KLHL6: variants seen among roughly 807,000 people sequenced by gnomAD.
The protein encoded by KLHL6 is kelch-like protein 6.
A neutral mutation model predicts 58.6 loss-of-function variants in KLHL6; 41 were observed. That is an observed-to-expected ratio of 0.70 (90% confidence interval 0.55 to 0.91). KLHL6 has a LOEUF of 0.91. Ranked by LOEUF, KLHL6 falls within the 40% of genes least tolerant of loss-of-function variation. The pLI, the probability that KLHL6 is intolerant of heterozygous loss-of-function variation, is 0.00. For synonymous variants in KLHL6, 338 were observed against 322.7 expected, an observed-to-expected ratio of 1.05 and a Z score of -0.51; for missense variants, 714 against 805.6, an observed-to-expected ratio of 0.89 and a Z score of 1.38.
At chr3:183,525,397 C>A (rs1219540504) in intron 2 of KLHL6, among the ~76,000 whole-genome samples, 3 of 152,150 alleles carry the variant, frequency 2.0e-5, no homozygotes, top group Non-Finnish European at 4.4e-5. Flanking sequence ...TTATCCAAGG[C>A]ACAAACTATC....
At position 183,528,124 on chromosome 3, in the gene KLHL6, G is replaced by A. The variant is rs997996558; in HGVS notation, c.294-114C>T. 5 of 1,154,576 alleles carry A rather than the reference G, an allele frequency of 4.3e-6. No individual in the cohort carries two copies. In the African/African-American group the frequency reaches 7.7e-5, roughly 18 times the overall value. The allele number at this position is 1,154,576 out of a possible 1,614,324, so 71.5% of individuals were successfully genotyped here. ...CAGAACAGGGGGTTTCCCAAGGTCAGGTCCTGGGCTGGTGGCTCTCTGTTC... is the reference window on the plus strand; with the variant it reads ...CAGAACAGGGGGTTTCCCAAGGTCAAGTCCTGGGCTGGTGGCTCTCTGTTC... On this transcript the variant is annotated intron_variant, in intron 1 of 6. Transcript: ENST00000341319.
intron 3 of KLHL6, among the ~76,000 whole-genome samples, chr3:183,503,766 C>T (rs1717931540): frequency 6.6e-6 from 1 of 152,038 alleles, no homozygotes; most frequent in South Asian, 2.1e-4. Flanking sequence ...GCAACAAGAA[C>T]AAAAGTCTGT....
intron 2 of KLHL6, among the ~76,000 whole-genome samples, chr3:183,514,383 T>C (rs1453124546): frequency 6.6e-6 from 1 of 151,962 alleles, no homozygotes; most frequent in Admixed American, 6.6e-5. Context: ...CCTCACCTCC[T>C]CCAAGCAGTC....
intron 4 of KLHL6, among the ~76,000 whole-genome samples, chr3:183,496,931 A>G (rs1717727332): frequency 6.6e-6 from 1 of 152,222 alleles, no homozygotes; most frequent in Non-Finnish European, 1.5e-5. Context: ...TGAGATCAGG[A>G]GTTCAAGACT....
chr3:183,497,023 A>T (rs1383480530), intron 4 of KLHL6, among the ~76,000 whole-genome samples: 1 of 152,092 alleles, frequency 6.6e-6, no homozygotes, highest in Non-Finnish European at 1.5e-5. Context: ...TCACGCCTGT[A>T]ATCCCAGCAC....
chr3:183,547,138 C>G (rs941115768), intron 1 of KLHL6, among the ~76,000 whole-genome samples: 1 of 152,152 alleles, frequency 6.6e-6, no homozygotes, highest in Non-Finnish European at 1.5e-5. Context: ...GTCTTGAACT[C>G]TTGACCTCAG....
At chr3:183,541,806 G>C (rs929631185) in intron 1 of KLHL6, among the ~76,000 whole-genome samples, 3 of 152,220 alleles carry the variant, frequency 2.0e-5, no homozygotes, top group Non-Finnish European at 4.4e-5. Context: ...TATCTCCAAG[G>C]TGTTCAAGAA....
chr3:183,534,866 C>T (rs1319572342), intron 1 of KLHL6, among the ~76,000 whole-genome samples: 3 of 150,610 alleles, frequency 2.0e-5, no homozygotes, highest in Non-Finnish European at 4.4e-5. Context: ...CTTCAAAGAC[C>T]ATCATATATA....
intron 1 of KLHL6, among the ~76,000 whole-genome samples, chr3:183,552,946 G>A (rs1305171568): frequency 4.6e-5 from 7 of 152,120 alleles, no homozygotes; most frequent in Admixed American, 1.3e-4. Flanking sequence ...AGGACTCCCT[G>A]CCTTGTCAGG....
At chr3:183,553,783 A>AAGGAG (rs200302691) in intron 1 of KLHL6, among the ~76,000 whole-genome samples, 1,995 of 152,290 alleles carry the variant, frequency 0.013, 35 homozygotes, top group African/African-American at 0.045. Context: ...TCATCTGTGA[A>AAGGAG]ATATCAGCCA....
chr3:183,548,911 C>T (rs1712814026), intron 1 of KLHL6: 1 of 151,674 alleles, frequency 6.6e-6, no homozygotes, highest in South Asian at 2.1e-4. Flanking sequence ...AACCAAACAC[C>T]GCATGTTCTC....
At chr3:183,532,096 T>C (rs9843388) in intron 1 of KLHL6, among the ~76,000 whole-genome samples, 99 of 152,330 alleles carry the variant, frequency 6.5e-4, no homozygotes, top group African/African-American at 2.3e-3. Flanking sequence ...CCCTAACCCC[T>C]AATGTGAATG....
chr3:183,491,838 C>A lies in KLHL6; in HGVS notation c.*89G>T. ...CCTGATGTATGGCCTCAAACTCGAG[C>A]CTGCTGCCTGAAGTGGGACTGGAGG... On this transcript the variant is annotated 3_prime_UTR_variant, in exon 7 of 7. Transcript: ENST00000341319. 2.5e-6 allele frequency: 3 copies of A among 1,217,168 alleles called. No homozygotes were observed. The highest frequency in any genetic ancestry group is 3.3e-6 in the Non-Finnish European group (3 of 908,686). 75.4% of individuals were successfully genotyped at this position (1,217,168 alleles called of 1,614,324 possible).
Position 183,506,542 on chromosome 3 carries a change from G to A in KLHL6, c.909+1517C>T, listed in dbSNP as rs536570893. Among the ~76,000 whole-genome samples, 4 of 152,310 alleles carry A rather than the reference G, an allele frequency of 2.6e-5. No individual in the cohort carries two copies. The East Asian group carries it at 7.7e-4, about 29-fold the overall frequency. ...GCACCAAGTGCTATGAGAACACGGA[G>A]AGTGGCTGGGTGTGGTGGCTCACAC... On this transcript the variant is annotated intron_variant, in intron 3 of 6. Transcript: ENST00000341319.
intron 2 of KLHL6, among the ~76,000 whole-genome samples, chr3:183,511,281 A>T (rs1194165689): frequency 2.0e-5 from 3 of 152,194 alleles, no homozygotes; most frequent in Non-Finnish European, 4.4e-5. Context: ...CCACCCAAAC[A>T]TCTCAGTGGA....
intron 1 of KLHL6, among the ~76,000 whole-genome samples, chr3:183,548,071 C>A (rs1712786914): frequency 6.6e-6 from 1 of 152,156 alleles, no homozygotes; most frequent in Admixed American, 6.5e-5. Flanking sequence ...ACCCCCATAG[C>A]AGCAAGGACC....
chr3:183,553,454 A>G (rs953383063), intron 1 of KLHL6, among the ~76,000 whole-genome samples: 6 of 152,250 alleles, frequency 3.9e-5, no homozygotes, highest in African/African-American at 1.4e-4. Context: ...GCTTCCAGGT[A>G]TGCATTTTAT....
At chr3:183,496,644 C>T (rs1382121794) in intron 4 of KLHL6, among the ~76,000 whole-genome samples, 1 of 152,196 alleles carries the variant, frequency 6.6e-6, no homozygotes, top group East Asian at 1.9e-4. Flanking sequence ...TACTGGCCAA[C>T]ATAATTAAGC....
intron 3 of KLHL6, among the ~76,000 whole-genome samples, chr3:183,504,235 G>A (rs566446711): frequency 9.9e-5 from 15 of 152,270 alleles, no homozygotes; most frequent in African/African-American, 2.9e-4. Flanking sequence ...TGTGCTAAGC[G>A]TTCCATTCAT....
Sources: allele counts gnomAD v4.1 joint callset (sites outside exome capture counted in the v4.1 genomes callset), GRCh38; gene constraint gnomAD v4.1.1; transcripts MANE v1.5; gene names NCBI Gene and HGNC (gene_info 2026-07-23, HGNC 2026-07-21).